The following PARD3B variants were observed in gnomAD, a reference collection of about 807,000 sequenced individuals.
The protein encoded by PARD3B is par-3 family cell polarity regulator beta, also known as partitioning defective 3 homolog B.
A neutral mutation model predicts 130.2 loss-of-function variants in PARD3B; 103 were observed. The ratio of observed to expected loss-of-function variants is 0.79; its 90% CI spans 0.67 to 0.93. PARD3B has a LOEUF of 0.93. Ranked by LOEUF, PARD3B falls within the 40% of genes least tolerant of loss-of-function variation. The pLI is 0.00. For missense variants in PARD3B, 1,609 were observed against 1,499.2 expected, an observed-to-expected ratio of 1.07 and a Z score of -1.21; for synonymous variants, 583 against 553.2, an observed-to-expected ratio of 1.05 and a Z score of -0.76.
At chr2:205,107,262 C>G (rs1703292874) in intron 5 of PARD3B, among the ~76,000 whole-genome samples, 1 of 152,182 alleles carries the variant, frequency 6.6e-6, no homozygotes, top group Non-Finnish European at 1.5e-5. Flanking sequence ...TTTTAAACCA[C>G]AGAATTTATC....
intron 18 of PARD3B, among the ~76,000 whole-genome samples, chr2:205,335,607 T>A (rs2043283870): frequency 6.6e-6 from 1 of 151,736 alleles, no homozygotes; most frequent in Admixed American, 6.6e-5. Flanking sequence ...AGAGTCCATT[T>A]TCATGCTGCT....
chr2:204,694,901 C>A (rs1286314067), intron 2 of PARD3B, among the ~76,000 whole-genome samples: 2 of 151,946 alleles, frequency 1.3e-5, no homozygotes. Context: ...ACAATTGTGA[C>A]ACACAGGTTT....
rs2053212290 is a variant in PARD3B at position 205,563,519 on chromosome 2, C to T, written c.3260+10116C>T. On this transcript the variant is annotated intron_variant, in intron 22 of 22. Transcript: ENST00000406610. This position sits in a 1 kb window ranked among gnomAD's most constrained non-coding sequence, Gnocchi z 4.2. The stretch of plus-strand genomic sequence containing the variant: ...CAAGGAGAGGTTGGAATGCTTACAT[C>T]ATCTGTTTTCATAAGTAATGTGAGT... Among the ~76,000 whole-genome samples the T allele has an allele frequency of 6.6e-6, 1 of 152,108 alleles. No individual in the cohort carries two copies. The highest frequency in any genetic ancestry group is 2.1e-4 in the South Asian group (1 of 4,830).
At chr2:205,329,398 A>C (rs2043036794) in intron 18 of PARD3B, among the ~76,000 whole-genome samples, 2 of 152,230 alleles carry the variant, frequency 1.3e-5, no homozygotes, top group South Asian at 4.1e-4. Flanking sequence ...TAGAATTATC[A>C]CATATGGTAA....
intron 3 of PARD3B, among the ~76,000 whole-genome samples, chr2:205,029,670 C>A (rs1019218102): frequency 2.6e-5 from 4 of 152,112 alleles, no homozygotes; most frequent in African/African-American, 9.7e-5. Flanking sequence ...TAGTATGTAT[C>A]TTTAGAGCCC....
At position 205,031,962 on chromosome 2, in the gene PARD3B, A is replaced by C. The variant is rs149552569; in HGVS notation, c.395-15619A>C. On this transcript the variant is annotated intron_variant, in intron 3 of 22. Transcript: ENST00000406610. The stretch of plus-strand genomic sequence containing the variant: ...GTGCCTCTCAAAAATCTATCTGTGG[A>C]AAATATTTTAACTTTTAACCAAATT... Among the ~76,000 whole-genome samples, 365 of 152,286 alleles carry C rather than the reference A, an allele frequency of 2.4e-3. 1 individual carries two copies. Among genetic ancestry groups the C allele is most frequent in the African/African-American group, 8.5e-3 (353 of 41,572 alleles).
rs849112 is a variant in PARD3B, at chr2:205,168,219, A to C, written c.1621-3992A>C. On this transcript the variant is annotated intron_variant, in intron 11 of 22. Transcript: ENST00000406610. Reference sequence around the variant, plus strand: ...TTATGGGGGGATGCCAGAAGCGGGGAACATAATTGAAGTATTTTTGCTTAG... The same window carrying C: ...TTATGGGGGGATGCCAGAAGCGGGGCACATAATTGAAGTATTTTTGCTTAG... Among the ~76,000 whole-genome samples, 1,221 of 151,220 alleles carry C rather than the reference A, an allele frequency of 8.1e-3. 23 individuals are homozygous for C. Among genetic ancestry groups the C allele is most frequent in the African/African-American group, 0.028 (1,158 of 41,188 alleles).
At position 204,887,081 on chromosome 2, in the gene PARD3B, T is replaced by C. The variant is rs575466251; in HGVS notation, c.223-78071T>C. On this transcript the variant is annotated intron_variant, in intron 2 of 22. Transcript: ENST00000406610. This position sits in a 1 kb window ranked among gnomAD's most constrained non-coding sequence, Gnocchi z 4.2. ...TTTTTTTAATCAGCTTTTAGTTCCA[T>C]CTGTTCAAGAATAGGTAAACTGAAT... 8.6e-4 allele frequency among the ~76,000 whole-genome samples: 131 copies of C among 152,332 alleles called. 1 individual carries two copies. The highest frequency in any genetic ancestry group is 2.6e-3 in the Admixed American group (40 of 15,304).
rs2040850237 is a variant in PARD3B at position 205,274,171 on chromosome 2, C to A, written c.2186-26359C>A. Among the ~76,000 whole-genome samples, 1 of 151,940 alleles carries A rather than the reference C, an allele frequency of 6.6e-6. No homozygotes were observed. Among genetic ancestry groups the A allele is most frequent in the African/African-American group, 2.4e-5 (1 of 41,376 alleles). On this transcript the variant is annotated intron_variant, in intron 16 of 22. Coordinates refer to ENST00000406610, the MANE Select transcript of PARD3B (RefSeq NM_001302769.2). The surrounding 1 kb of genome is among the most constrained non-coding windows in gnomAD (Gnocchi z 4.2). Reference sequence around the variant, plus strand: ...CTTTATCTTAGATAAATTACTATTGCCTATAATTTTCATATATATTATAAC... The same window carrying A: ...CTTTATCTTAGATAAATTACTATTGACTATAATTTTCATATATATTATAAC...
chr2:204,707,509 G>A (rs2038225475), intron 2 of PARD3B, among the ~76,000 whole-genome samples: 1 of 151,606 alleles, frequency 6.6e-6, no homozygotes, highest in Non-Finnish European at 1.5e-5. Context: ...CAAGCAGTGT[G>A]CCTAGATATA....
intron 18 of PARD3B, among the ~76,000 whole-genome samples, chr2:205,314,346 C>T (rs1198156436): frequency 1.3e-5 from 2 of 152,110 alleles, no homozygotes; most frequent in African/African-American, 4.8e-5. Context: ...TACAAAAACC[C>T]CTTTTGACTT....
At chr2:204,786,215 G>A (rs1419016184) in intron 2 of PARD3B, among the ~76,000 whole-genome samples, 3 of 152,024 alleles carry the variant, frequency 2.0e-5, no homozygotes, top group East Asian at 1.9e-4. Flanking sequence ...TTATGCAGGT[G>A]ACAATAGAAA....
At chr2:205,596,279 G>A (rs959760315) in intron 22 of PARD3B, among the ~76,000 whole-genome samples, 1 of 152,182 alleles carries the variant, frequency 6.6e-6, no homozygotes, top group Non-Finnish European at 1.5e-5. Flanking sequence ...TTTATTATTT[G>A]TTGAAAATCA....
chr2:205,492,394 T>C (rs1422100609), intron 20 of PARD3B, among the ~76,000 whole-genome samples: 2 of 152,180 alleles, frequency 1.3e-5, no homozygotes, highest in Non-Finnish European at 2.9e-5. Context: ...TAGAGTAGAG[T>C]AATTGTTTTA....
intron 2 of PARD3B, among the ~76,000 whole-genome samples, chr2:204,762,144 T>C (rs1488363897): frequency 2.1e-5 from 3 of 140,588 alleles, no homozygotes; most frequent in Non-Finnish European, 4.5e-5. Flanking sequence ...TTTTTTGAGA[T>C]GGAATCTTGC....
At position 205,322,889 on chromosome 2, in the gene PARD3B, C is replaced by CTTTTTTTTTTTTTTTTTTT. The variant is rs71032461; in HGVS notation, c.2630+21212_2630+21230dup. On this transcript the variant is annotated intron_variant, in intron 18 of 22. Coordinates refer to ENST00000406610, the MANE Select transcript of PARD3B (RefSeq NM_001302769.2). ...TGTTGTTATATCATTATTAACACCTCTTTTTTTTTTTTTTTTTTTTTTTTT... is the reference window on the plus strand; with the variant it reads ...TGTTGTTATATCATTATTAACACCTCTTTTTTTTTTTTTTTTTTTTTTTTTTTTTTTTTTTTTTTTTTTT... 2.3e-4 allele frequency among the ~76,000 whole-genome samples: 12 copies of CTTTTTTTTTTTTTTTTTTT among 51,468 alleles called. 4 individuals carry two copies. The highest frequency in any genetic ancestry group is 4.2e-4 in the Non-Finnish European group (11 of 26,334). 33.8% of individuals were successfully genotyped at this position (51,468 alleles called of 152,430 possible).
intron 2 of PARD3B, among the ~76,000 whole-genome samples, chr2:204,925,737 G>C (rs957026211): frequency 1.3e-5 from 2 of 152,020 alleles, no homozygotes; most frequent in Admixed American, 6.6e-5. Flanking sequence ...TACCCCTACT[G>C]ATATGGTTTG....
chr2:204,802,521 A>G (rs557632840), intron 2 of PARD3B, among the ~76,000 whole-genome samples: 16 of 152,236 alleles, frequency 1.1e-4, no homozygotes, highest in Admixed American at 3.9e-4. Context: ...AAATCATTCT[A>G]CTCTAAAGAT....
At chr2:204,547,983 A>G (rs977015553) in intron 1 of PARD3B, among the ~76,000 whole-genome samples, 1 of 152,202 alleles carries the variant, frequency 6.6e-6, no homozygotes, top group African/African-American at 2.4e-5. Flanking sequence ...AGTGAATGTG[A>G]CATTTAAAGG....
Sources: allele counts gnomAD v4.1 joint callset (sites outside exome capture counted in the v4.1 genomes callset), GRCh38; gene constraint gnomAD v4.1.1; non-coding constraint Gnocchi (gnomAD v3.1); transcripts MANE v1.5; gene names NCBI Gene and HGNC (gene_info 2026-07-23, HGNC 2026-07-21).